Variants in LONRF3 observed in about 807,000 individuals in gnomAD.
LONRF3 encodes LON peptidase N-terminal domain and RING finger protein 3.
LONRF3 carries 19 observed loss-of-function variants against 51.7 expected under a neutral mutation model. The ratio of observed to expected loss-of-function variants is 0.37; its 90% CI spans 0.26 to 0.54. LONRF3 has a LOEUF of 0.54. LONRF3 is among the 20% of genes least tolerant of loss of function. LONRF3 has a pLI of 0.86. For missense variants in LONRF3, 521 were observed against 623.9 expected (o/e 0.84, Z 1.76); for synonymous variants, 265 against 257.8 (o/e 1.03, Z -0.27).
chrX:118,986,587 G>A (rs111890337), intron 3 of LONRF3, among the ~76,000 whole-genome samples: 22 of 112,298 alleles, frequency 2.0e-4, no homozygotes, highest in African/African-American at 6.5e-4. Flanking sequence ...ATATTTCTGC[G>A]GAGTGTTAGC....
At chrX:118,977,946 G>C (rs1324838901) in intron 1 of LONRF3, among the ~76,000 whole-genome samples, 1 of 111,425 alleles carries the variant, frequency 9.0e-6, no homozygotes, top group African/African-American at 3.3e-5. Flanking sequence ...GGTTCAGATA[G>C]GGGTCACATC....
chrX:119,012,073 G>A, intron 8 of LONRF3, 100 bp downstream of exon 8: 1 of 879,850 alleles, frequency 1.1e-6, no homozygotes, highest in Non-Finnish European at 1.6e-6. Context: ...AGCTCATGAG[G>A]TTTAGCCAAC....
intron 5 of LONRF3, among the ~76,000 whole-genome samples, chrX:118,993,937 T>C (rs914916567): frequency 1.8e-5 from 2 of 112,024 alleles, no homozygotes; most frequent in Non-Finnish European, 3.8e-5. Flanking sequence ...GCATCACTTA[T>C]GAAGGAAAGA....
intron 5 of LONRF3, among the ~76,000 whole-genome samples, chrX:119,004,742 G>A (rs1367722248): frequency 8.9e-6 from 1 of 111,911 alleles, no homozygotes; most frequent in Non-Finnish European, 1.9e-5. Context: ...TGTGGCGATG[G>A]TTTCATAAGT....
Position 119,002,806 on chromosome X carries a change from T to A in LONRF3, c.1416-3315T>A, listed in dbSNP as rs192217713. On this transcript the variant is annotated intron_variant, in intron 5 of 10. Coordinates refer to ENST00000371628, the MANE Select transcript of LONRF3 (RefSeq NM_001031855.3). ...GCGCTTCTTCTTGTTTTTTTATTTT[T>A]TTTTTATTTTGAGATGGAGTCTCAC... is the stretch of plus-strand genomic sequence containing the variant. 3.2e-3 allele frequency among the ~76,000 whole-genome samples: 357 copies of A among 111,255 alleles called. 1 individual carries two copies. The highest frequency in any genetic ancestry group is 0.011 in the African/African-American group (333 of 30,612).
intron 8 of LONRF3, chrX:119,012,756 A>C: frequency 4.2e-6 from 2 of 477,138 alleles, no homozygotes; most frequent in South Asian, 6.7e-5. Context: ...ATAGCAATTA[A>C]ATTTCAAAAT....
chrX:119,007,203 G>A (rs1266794360), intron 6 of LONRF3, among the ~76,000 whole-genome samples: 1 of 112,524 alleles, frequency 8.9e-6, no homozygotes, highest in Admixed American at 9.4e-5. Context: ...CTGATACACT[G>A]TAATCTTGAG....
chrX:118,990,581 T>C lies in LONRF3; in HGVS notation c.1415+21T>C, dbSNP rs1296555767. 4 of 1,138,956 alleles carry C rather than the reference T, an allele frequency of 3.5e-6. No individual in the cohort carries two copies. The East Asian group carries it at 1.2e-4, about 34-fold the overall frequency. 93.9% of individuals were successfully genotyped at this position (1,138,956 alleles called of 1,213,427 possible). A position where few individuals can be genotyped will look rare whatever the true frequency, so the allele number is the denominator to read the frequency against. On this transcript the variant is annotated intron_variant, in intron 5 of 10. Coordinates refer to ENST00000371628, the MANE Select transcript of LONRF3 (RefSeq NM_001031855.3). ...ATGAGGTACGTCCTGTGTACTATCA[T>C]TTACTTCCTGATGTTTCTTCATCTC...
chrX:118,992,643 C>T (rs1417327659), intron 5 of LONRF3, among the ~76,000 whole-genome samples: 6 of 111,285 alleles, frequency 5.4e-5, no homozygotes, highest in Admixed American at 9.5e-5. Context: ...CCCTGCCCAC[C>T]GCTGGTCCCT....
intron 3 of LONRF3, among the ~76,000 whole-genome samples, chrX:118,989,037 A>G: frequency 9.0e-6 from 1 of 110,567 alleles, no homozygotes; most frequent in Non-Finnish European, 1.9e-5. Context: ...ATCTGCCGTC[A>G]CTGCCTGCCT....
intron 10 of LONRF3, among the ~76,000 whole-genome samples, chrX:119,015,403 G>A (rs2124399): frequency 0.39 from 43,555 of 110,521 alleles, 6,460 homozygotes; most frequent in African/African-American, 0.51. Context: ...GCATTCTGAG[G>A]TTCTAAGACA....
intron 5 of LONRF3, among the ~76,000 whole-genome samples, chrX:118,995,801 T>C (rs1279267130): frequency 8.9e-6 from 1 of 111,987 alleles, no homozygotes; most frequent in African/African-American, 3.2e-5. Flanking sequence ...AAGGATGAGA[T>C]ACCATGAACA....
At chrX:119,001,735 T>A (rs182777118) in intron 5 of LONRF3, among the ~76,000 whole-genome samples, 1 of 112,881 alleles carries the variant, frequency 8.9e-6, no homozygotes, top group African/African-American at 3.2e-5. Context: ...TAATCACAGC[T>A]TTTGCTAAGA....
At chrX:119,012,009 G>A (rs1351433419) in intron 8 of LONRF3, 36 bp downstream of exon 8, 2 of 1,198,138 alleles carry the variant, frequency 1.7e-6, no homozygotes, top group Non-Finnish European at 2.3e-6. Context: ...GGGAGGTTGT[G>A]TAATGAGGGA....
At chrX:118,981,835 G>C (rs1338383685) in intron 2 of LONRF3, among the ~76,000 whole-genome samples, 1 of 112,121 alleles carries the variant, frequency 8.9e-6, no homozygotes, top group Non-Finnish European at 1.9e-5. Context: ...TTAGAAAGGG[G>C]GGCAGGGGAG....
rs1180210217 is a variant in LONRF3 at position 118,975,162 on chromosome X, G to A, written c.382G>A (p.Glu128Lys). 3 of 1,172,496 alleles carry A rather than the reference G, an allele frequency of 2.6e-6. No individual in the cohort carries two copies. The highest frequency in any genetic ancestry group is 3.4e-6 in the Non-Finnish European group (3 of 876,735). Residue 128 changes from glutamate to lysine, a missense_variant, in exon 1 of 11, where the codon GAG (glutamate) becomes AAG (lysine). Transcript: ENST00000371628. ...GEALAPAPPD[E>K]GSTASGTVAA... ...GGCGCTGGCGCCGGCGCCCCCGGAC[G>A]AGGGTAGCACTGCAAGCGGCACCGT... is the stretch of plus-strand genomic sequence containing the variant.
At chrX:118,994,450 C>T (rs1275357542) in intron 5 of LONRF3, among the ~76,000 whole-genome samples, 1 of 110,147 alleles carries the variant, frequency 9.1e-6, no homozygotes, top group Admixed American at 9.6e-5. Context: ...GTCACCCAGG[C>T]TGGAGCGCAA....
chrX:119,010,034 G>T (rs957024616), intron 7 of LONRF3, among the ~76,000 whole-genome samples: 1 of 111,540 alleles, frequency 9.0e-6, no homozygotes, highest in East Asian at 2.8e-4. Context: ...GCCTCCCAAG[G>T]TGCTGGGATT....
At chrX:119,005,669 G>A (rs1357492303) in intron 5 of LONRF3, among the ~76,000 whole-genome samples, 5 of 111,764 alleles carry the variant, frequency 4.5e-5, no homozygotes, top group Non-Finnish European at 1.9e-5. Flanking sequence ...TTTTTCCATG[G>A]TAATATGATG....
Sources: allele counts gnomAD v4.1 joint callset (sites outside exome capture counted in the v4.1 genomes callset), GRCh38; gene constraint gnomAD v4.1.1; transcripts MANE v1.5; gene names NCBI Gene and HGNC (gene_info 2026-07-23, HGNC 2026-07-21).